CDK8: variants seen among roughly 807,000 people sequenced by gnomAD.
CDK8 encodes cyclin-dependent kinase 8.
In CDK8, 29 loss-of-function variants were observed where a neutral mutation model predicts 71.5. The ratio of observed to expected loss-of-function variants is 0.41; its 90% CI spans 0.30 to 0.55. CDK8 has a LOEUF of 0.55. Among genes scored for constraint, CDK8 ranks in the 20% least tolerant of loss-of-function variants. The pLI is 0.37. For missense variants in CDK8, 288 were observed against 572.6 expected, an observed-to-expected ratio of 0.50 and a Z score of 5.07; for synonymous variants, 161 against 192.1, an observed-to-expected ratio of 0.84 and a Z score of 1.34.
At chr13:26,260,705 TATA>T (rs1186504449) in intron 1 of CDK8, among the ~76,000 whole-genome samples, 1 of 152,222 alleles carries the variant, frequency 6.6e-6, no homozygotes, top group Admixed American at 6.5e-5. Flanking sequence ...AATGAAAAAT[TATA>T]ATTATTATAG....
At chr13:26,333,429 C>T (rs1348952703) in intron 1 of CDK8, among the ~76,000 whole-genome samples, 1 of 152,120 alleles carries the variant, frequency 6.6e-6, no homozygotes, top group Non-Finnish European at 1.5e-5. Flanking sequence ...TGTGAGCCAC[C>T]ACACCCGGCT....
intron 1 of CDK8, among the ~76,000 whole-genome samples, chr13:26,328,124 T>C (rs1875109222): frequency 6.6e-6 from 1 of 152,184 alleles, no homozygotes; most frequent in Non-Finnish European, 1.5e-5. Flanking sequence ...CCACTAAGAT[T>C]TTATGTCATA....
At chr13:26,301,189 A>G (rs947083949) in intron 1 of CDK8, among the ~76,000 whole-genome samples, 2 of 150,162 alleles carry the variant, frequency 1.3e-5, no homozygotes, top group Admixed American at 6.6e-5. Flanking sequence ...TTCAGCTTCA[A>G]TAAATCTGCC....
chr13:26,346,404 G>A (rs965928758), intron 2 of CDK8, among the ~76,000 whole-genome samples: 12 of 152,190 alleles, frequency 7.9e-5, no homozygotes, highest in African/African-American at 2.9e-4. Flanking sequence ...TCTAATAATT[G>A]TGGAGCTCTT....
At chr13:26,289,661 C>G (rs1449804539) in intron 1 of CDK8, among the ~76,000 whole-genome samples, 1 of 152,202 alleles carries the variant, frequency 6.6e-6, no homozygotes, top group East Asian at 1.9e-4. Context: ...CGCCATTCTC[C>G]TGCCTCAGCC....
intron 6 of CDK8, among the ~76,000 whole-genome samples, chr13:26,390,906 T>A (rs1027320985): frequency 6.6e-6 from 1 of 151,710 alleles, no homozygotes; most frequent in African/African-American, 2.4e-5. Context: ...GAGAAGTAGA[T>A]GAAACTTATA....
intron 1 of CDK8, among the ~76,000 whole-genome samples, chr13:26,314,530 G>A (rs1404691095): frequency 1.3e-5 from 2 of 152,222 alleles, no homozygotes; most frequent in Non-Finnish European, 2.9e-5. Context: ...AAACAGATAT[G>A]TAATTGCAGA....
At chr13:26,271,305 T>A (rs1274627802) in intron 1 of CDK8, among the ~76,000 whole-genome samples, 2 of 152,156 alleles carry the variant, frequency 1.3e-5, no homozygotes, top group Admixed American at 1.3e-4. Context: ...TTTATGATTG[T>A]GTGAACATCA....
intron 9 of CDK8, among the ~76,000 whole-genome samples, chr13:26,397,505 T>C (rs1876052539): frequency 6.6e-6 from 1 of 151,918 alleles, no homozygotes; most frequent in Admixed American, 6.5e-5. Flanking sequence ...ATTACATGTA[T>C]TGTTTTTCGT....
At chr13:26,344,337 T>G (rs1458775573) in intron 2 of CDK8, among the ~76,000 whole-genome samples, 1 of 152,206 alleles carries the variant, frequency 6.6e-6, no homozygotes. Flanking sequence ...CTGTGAATAG[T>G]GCTGCAATGA....
At chr13:26,256,603 G>A (rs1039968761) in intron 1 of CDK8, among the ~76,000 whole-genome samples, 1 of 152,120 alleles carries the variant, frequency 6.6e-6, no homozygotes, top group African/African-American at 2.4e-5. Flanking sequence ...GTATTGGCAG[G>A]GGGTACTTAA....
chr13:26,337,724 A>G, intron 2 of CDK8, 82 bp downstream of exon 2: 1 of 519,580 alleles, frequency 1.9e-6, no homozygotes, highest in Non-Finnish European at 3.3e-6. Flanking sequence ...TGTATTTGTC[A>G]TATTAATTGA....
At chr13:26,259,077 TG>T (rs936460347) in intron 1 of CDK8, among the ~76,000 whole-genome samples, 24 of 152,332 alleles carry the variant, frequency 1.6e-4, no homozygotes, top group African/African-American at 5.3e-4. Flanking sequence ...CTTCTGAATA[TG>T]GCTGAATGCT....
intron 1 of CDK8, among the ~76,000 whole-genome samples, chr13:26,278,557 C>A (rs1410910456): frequency 6.6e-6 from 1 of 152,160 alleles, no homozygotes; most frequent in Non-Finnish European, 1.5e-5. Context: ...ATAAAACTTG[C>A]AAGAACAGGA....
intron 1 of CDK8, among the ~76,000 whole-genome samples, chr13:26,326,789 G>GCA (rs1875038961): frequency 4.6e-5 from 7 of 152,194 alleles, no homozygotes; most frequent in Admixed American, 3.3e-4. Flanking sequence ...GTCTAATGAT[G>GCA]CTTCAAAAAT....
intron 3 of CDK8, among the ~76,000 whole-genome samples, chr13:26,351,859 G>A (rs1004480473): frequency 6.6e-6 from 1 of 152,068 alleles, no homozygotes; most frequent in Non-Finnish European, 1.5e-5. Flanking sequence ...CAAGGCAGTC[G>A]CAATAAAAAT....
chr13:26,293,909 A>G (rs570185740), intron 1 of CDK8, among the ~76,000 whole-genome samples: 76 of 150,648 alleles, frequency 5.0e-4, no homozygotes, highest in Non-Finnish European at 3.3e-4. Context: ...ACTTTTGCAA[A>G]CCTCTCCCCA....
chr13:26,270,646 C>A (rs1197842486), intron 1 of CDK8, among the ~76,000 whole-genome samples: 1 of 152,158 alleles, frequency 6.6e-6, no homozygotes, highest in Non-Finnish European at 1.5e-5. Context: ...AATATGTGCT[C>A]TTTTGTGACT....
chr13:26,305,784 A>AT (rs958595574), intron 1 of CDK8, among the ~76,000 whole-genome samples: 34 of 152,040 alleles, frequency 2.2e-4, no homozygotes, highest in South Asian at 1.2e-3. Context: ...CAGTTTTAGA[A>AT]TTTTTTTTCT....
Sources: gnomAD v4.1 joint callset for allele counts (sites outside exome capture counted in the v4.1 genomes callset) on GRCh38, gnomAD v4.1.1 for gene constraint, MANE v1.5 for transcripts, NCBI Gene and HGNC (gene_info 2026-07-23, HGNC 2026-07-21) for gene names.